PDE1C: variants seen among roughly 807,000 people sequenced by gnomAD.
PDE1C encodes the protein dual specificity calcium/calmodulin-dependent 3',5'-cyclic nucleotide phosphodiesterase 1C.
In PDE1C, 62 loss-of-function variants were observed where a neutral mutation model predicts 93.1. The ratio of observed to expected loss-of-function variants is 0.67; its 90% CI spans 0.54 to 0.82. PDE1C has a LOEUF of 0.82. PDE1C is among the 40% of genes least tolerant of loss of function. The probability of loss-of-function intolerance (pLI) is 0.00; values close to 1 mark genes in which losing one functional copy is unlikely to be tolerated. For missense variants in PDE1C, 742 were observed against 884.6 expected (o/e 0.84, Z 2.04); for synonymous variants, 325 against 310.1 (o/e 1.05, Z -0.50).
intron 1 of PDE1C, among the ~76,000 whole-genome samples, chr7:32,288,590 G>C (rs1016459308): frequency 1.3e-5 from 2 of 152,172 alleles, no homozygotes; most frequent in Non-Finnish European, 1.5e-5. Context: ...CTCAAGTGCT[G>C]CTGGTTCCCT....
At chr7:32,232,882 C>T (rs1377490082) in intron 1 of PDE1C, among the ~76,000 whole-genome samples, 1 of 152,112 alleles carries the variant, frequency 6.6e-6, no homozygotes, top group African/African-American at 2.4e-5. Flanking sequence ...ACTTTCAATC[C>T]AAACTCAACT....
intron 2 of PDE1C, among the ~76,000 whole-genome samples, chr7:32,010,188 C>T (rs2128584142): frequency 1.3e-5 from 2 of 152,130 alleles, no homozygotes; most frequent in South Asian, 4.2e-4. Context: ...CCTAAAATAG[C>T]CAAATCAATT....
chr7:32,221,985 C>T (rs1268735180), intron 1 of PDE1C, among the ~76,000 whole-genome samples: 1 of 152,028 alleles, frequency 6.6e-6, no homozygotes, highest in East Asian at 1.9e-4. Flanking sequence ...AGGAAATCAA[C>T]CTTACAGCCA....
At chr7:32,340,092 G>A (rs1783719599) in intron 1 of PDE1C, among the ~76,000 whole-genome samples, 9 of 152,134 alleles carry the variant, frequency 5.9e-5, no homozygotes, top group Admixed American at 5.9e-4. Context: ...GGCAGTGAAG[G>A]AGAGGCTGCA....
intron 1 of PDE1C, among the ~76,000 whole-genome samples, chr7:32,313,365 A>G (rs183588741): frequency 3.6e-4 from 55 of 151,498 alleles, no homozygotes; most frequent in African/African-American, 1.2e-3. Flanking sequence ...GGGATCTAGA[A>G]CTAGAAATAC....
intron 3 of PDE1C, among the ~76,000 whole-genome samples, chr7:32,095,096 C>T (rs765343764): frequency 6.6e-6 from 1 of 152,162 alleles, no homozygotes; most frequent in Non-Finnish European, 1.5e-5. Context: ...TCCTTGAAGG[C>T]CAAGGTCAGA....
chr7:32,317,506 G>T (rs1040281921), intron 1 of PDE1C, among the ~76,000 whole-genome samples: 39 of 151,724 alleles, frequency 2.6e-4, no homozygotes, highest in African/African-American at 9.2e-4. Context: ...CCACTCCCCT[G>T]GCCCACAATT....
the PDE1C span, among the ~76,000 whole-genome samples, chr7:31,638,610 A>G: frequency 6.6e-6 from 1 of 152,172 alleles, no homozygotes; most frequent in Admixed American, 6.5e-5. Context: ...TCCTTTCAAT[A>G]CCCTAAAGAT....
chr7:31,993,274 T>A (rs905217393), intron 2 of PDE1C, among the ~76,000 whole-genome samples: 1 of 152,200 alleles, frequency 6.6e-6, no homozygotes, highest in Non-Finnish European at 1.5e-5. Flanking sequence ...GCTCAATAGA[T>A]AATTGCTGTT....
the PDE1C span, among the ~76,000 whole-genome samples, chr7:31,666,975 T>C: frequency 6.6e-6 from 1 of 152,118 alleles, no homozygotes; most frequent in Non-Finnish European, 1.5e-5. Context: ...TTGCAGTAGG[T>C]GCCATTCATT....
the PDE1C span, among the ~76,000 whole-genome samples, chr7:31,727,921 A>G: frequency 1.3e-5 from 2 of 152,078 alleles, no homozygotes; most frequent in African/African-American, 4.8e-5. Context: ...GCATGCACCT[A>G]TATTCCTCAC....
At position 32,084,507 on chromosome 7, in the gene PDE1C, A is replaced by AG. The variant is rs568917532; in HGVS notation, c.308+85277dup. Among the ~76,000 whole-genome samples, 340 of 150,248 alleles carry AG rather than the reference A, an allele frequency of 2.3e-3. 2 individuals are homozygous for AG. The highest frequency in any genetic ancestry group is 8.0e-3 in the African/African-American group (327 of 40,782). On this transcript the variant is annotated intron_variant, in intron 3 of 18. Coordinates refer to the PDE1C transcript ENST00000396193. ...CAGCTCTGCACCAAGCAGACCTAAT[A>AG]GACATCTACAGAACTCTCCACCCCA...
intron 3 of PDE1C, among the ~76,000 whole-genome samples, chr7:32,098,657 T>C (rs1367161808): frequency 6.6e-6 from 1 of 152,224 alleles, no homozygotes; most frequent in Non-Finnish European, 1.5e-5. Flanking sequence ...GATATTTAGC[T>C]GAACAAAGTT....
the PDE1C span, among the ~76,000 whole-genome samples, chr7:31,618,396 T>C: frequency 6.6e-6 from 1 of 152,142 alleles, no homozygotes; most frequent in Admixed American, 6.5e-5. Context: ...CACTACTAAT[T>C]AGGCTATTGA....
Position 31,809,959 on chromosome 7 carries a change from T to C in PDE1C, c.1814-851A>G, listed in dbSNP as rs138886436. On this transcript the variant is annotated intron_variant, in intron 15 of 17. Transcript: ENST00000396191. ...GGTCAATGGTGCCCACCATCGATTA[T>C]GGCAAATACATTTTCTTGAAACATG... is the stretch of plus-strand genomic sequence containing the variant. Among the ~76,000 whole-genome samples the C allele has an allele frequency of 3.6e-3, 549 of 152,218 alleles. 4 individuals carry two copies. Among genetic ancestry groups the C allele is most frequent in the African/African-American group, 0.012 (514 of 41,562 alleles).
chr7:31,735,136 C>T, the PDE1C span, among the ~76,000 whole-genome samples: 3 of 152,210 alleles, frequency 2.0e-5, no homozygotes, highest in African/African-American at 4.8e-5. Flanking sequence ...CAGTGGCTCA[C>T]GCCTGAAATC....
At chr7:32,189,557 T>C (rs1804093830) in intron 2 of PDE1C, among the ~76,000 whole-genome samples, 2 of 152,182 alleles carry the variant, frequency 1.3e-5, no homozygotes, top group African/African-American at 4.8e-5. Flanking sequence ...CTTTGGGAAG[T>C]TCCAGGGCTG....
intron 2 of PDE1C, among the ~76,000 whole-genome samples, chr7:32,042,096 T>G (rs1286237092): frequency 1.3e-5 from 2 of 152,110 alleles, no homozygotes; most frequent in African/African-American, 4.8e-5. Context: ...GGTCAGGAGT[T>G]TGAGACCAGC....
intron 1 of PDE1C, among the ~76,000 whole-genome samples, chr7:32,339,683 G>GT (rs1407057434): frequency 6.6e-6 from 1 of 152,176 alleles, no homozygotes; most frequent in Non-Finnish European, 1.5e-5. Flanking sequence ...TGAAATGTCA[G>GT]TGGAAGAGAG....
Sources: allele counts gnomAD v4.1 joint callset (sites outside exome capture counted in the v4.1 genomes callset), GRCh38; gene constraint gnomAD v4.1.1; transcripts MANE v1.5; gene names NCBI Gene and HGNC (gene_info 2026-07-23, HGNC 2026-07-21).